THSD7A: variants seen among roughly 807,000 people sequenced by gnomAD.
THSD7A encodes the protein thrombospondin type 1 domain containing 7A.
A neutral mutation model predicts 231.3 loss-of-function variants in THSD7A; 96 were observed. The observed-to-expected ratio is 0.41, with a 90% confidence interval of 0.35 to 0.49. The LOEUF is 0.49. Ranked by LOEUF, THSD7A falls within the 20% of genes least tolerant of loss-of-function variation. The pLI is 0.05. For synonymous variants in THSD7A, 940 were observed against 743.3 expected, an observed-to-expected ratio of 1.26 and a Z score of -4.30; for missense variants, 2,290 against 2,070.2, an observed-to-expected ratio of 1.11 and a Z score of -2.06.
At chr7:11,468,092 C>A (rs1785780709) in intron 9 of THSD7A, among the ~76,000 whole-genome samples, 1 of 151,964 alleles carries the variant, frequency 6.6e-6, no homozygotes, top group Non-Finnish European at 1.5e-5. Context: ...CAAAGTCTTT[C>A]CACTTTCAAA....
chr7:11,612,082 G>C (rs970575906), intron 2 of THSD7A, among the ~76,000 whole-genome samples: 4 of 152,066 alleles, frequency 2.6e-5, no homozygotes, highest in African/African-American at 9.7e-5. Context: ...ATTACATAAG[G>C]AAAAGAGTCC....
chr7:11,622,569 G>A (rs1781348409), intron 2 of THSD7A, among the ~76,000 whole-genome samples: 1 of 152,066 alleles, frequency 6.6e-6, no homozygotes, highest in Non-Finnish European at 1.5e-5. Context: ...CATATCAGTT[G>A]TGTAAAACGA....
At chr7:11,533,565 A>C (rs1398323918) in intron 6 of THSD7A, among the ~76,000 whole-genome samples, 3 of 152,222 alleles carry the variant, frequency 2.0e-5, no homozygotes, top group African/African-American at 7.2e-5. Context: ...CAGCCATAAA[A>C]AGGAGTGAGA....
At chr7:11,578,352 T>C (rs1486604472) in intron 4 of THSD7A, among the ~76,000 whole-genome samples, 1 of 152,188 alleles carries the variant, frequency 6.6e-6, no homozygotes, top group Non-Finnish European at 1.5e-5. Flanking sequence ...AGATATAGAA[T>C]GAATTAGTGC....
chr7:11,776,896 G>T (rs992484865), intron 1 of THSD7A, among the ~76,000 whole-genome samples: 3 of 152,226 alleles, frequency 2.0e-5, no homozygotes, highest in South Asian at 4.1e-4. Flanking sequence ...AGGCATTTCA[G>T]CCATCAGTGG....
In THSD7A at chr7:11,832,193, C is replaced by T. The variant is rs567310561; in HGVS notation, c.-247G>A. 4.6e-4 allele frequency: 133 copies of T among 289,448 alleles called. No individual in the cohort carries two copies. The highest frequency in any genetic ancestry group is 2.6e-3 in the African/African-American group (117 of 45,284). 17.9% of individuals were successfully genotyped at this position (289,448 alleles called of 1,614,324 possible). ...ATGCTGCTGCCGCTGCCATTCCTCG[C>T]AGAATGGCAGGTCCCGGCGGCTCCG... On this transcript the variant is annotated 5_prime_UTR_variant, in exon 1 of 28. Coordinates refer to ENST00000423059, the MANE Select transcript of THSD7A (RefSeq NM_015204.3).
chr7:11,794,705 C>T lies in THSD7A; in HGVS notation c.190+37052G>A, dbSNP rs1583296719. ...TGAGGGGCTCATCTTCATAAAGTCA[C>T]TTGAAAAATAAGTCTTTTTGCCAGT... On this transcript the variant is annotated intron_variant, in intron 1 of 27. Transcript: ENST00000423059. 4.6e-5 allele frequency among the ~76,000 whole-genome samples: 7 copies of T among 152,086 alleles called. No homozygotes were observed. The South Asian group carries it at 1.5e-3, about 32-fold the overall frequency.
chr7:11,693,085 A>C (rs933217616), intron 1 of THSD7A, among the ~76,000 whole-genome samples: 7 of 151,620 alleles, frequency 4.6e-5, no homozygotes, highest in Non-Finnish European at 8.9e-5. Context: ...AAATGAATGA[A>C]ATGAATGAAC....
chr7:11,598,950 C>T (rs1408520383), intron 2 of THSD7A, among the ~76,000 whole-genome samples: 1 of 152,156 alleles, frequency 6.6e-6, no homozygotes, highest in East Asian at 1.9e-4. Flanking sequence ...TTTAACTCAA[C>T]AGGCTAAGAA....
chr7:11,522,469 T>C (rs1380931361), intron 6 of THSD7A, among the ~76,000 whole-genome samples: 1 of 152,244 alleles, frequency 6.6e-6, no homozygotes, highest in Non-Finnish European at 1.5e-5. Context: ...CATACTGTTT[T>C]TAAGTACTTT....
intron 1 of THSD7A, among the ~76,000 whole-genome samples, chr7:11,736,360 C>A (rs1384621663): frequency 6.6e-6 from 1 of 151,902 alleles, no homozygotes; most frequent in African/African-American, 2.4e-5. Flanking sequence ...ACTCAGGAGG[C>A]TGAGGCAGGT....
intron 13 of THSD7A, among the ~76,000 whole-genome samples, chr7:11,442,134 A>G (rs1784826304): frequency 6.6e-6 from 1 of 152,072 alleles, no homozygotes; most frequent in Non-Finnish European, 1.5e-5. Context: ...CAGTGACTAT[A>G]TTTAATACCA....
chr7:11,420,649 G>T (rs1784113202), intron 16 of THSD7A, among the ~76,000 whole-genome samples: 1 of 152,222 alleles, frequency 6.6e-6, no homozygotes, highest in Admixed American at 6.5e-5. Context: ...ACTGTCTAGT[G>T]GAGCTGTGGA....
chr7:11,489,283 C>G (rs1360946655), intron 6 of THSD7A, among the ~76,000 whole-genome samples: 1 of 152,112 alleles, frequency 6.6e-6, no homozygotes, highest in Non-Finnish European at 1.5e-5. Flanking sequence ...TGTTGGCTTA[C>G]TAGAACCTAA....
At chr7:11,726,825 A>T (rs1414163022) in intron 1 of THSD7A, among the ~76,000 whole-genome samples, 1 of 151,962 alleles carries the variant, frequency 6.6e-6, no homozygotes, top group Non-Finnish European at 1.5e-5. Flanking sequence ...GGGAATCATA[A>T]AACATAAATA....
rs1333423654 is a variant in THSD7A at position 11,370,747 on chromosome 7, C to T, written c.*5047G>A. ...CAGGTAGTTAAATTAACATAAAATA[C>T]ACATTTAGGGAATAATAATTTATAG... On this transcript the variant is annotated 3_prime_UTR_variant, in exon 28 of 28. Transcript: ENST00000423059. 2 of 151,980 alleles carry T rather than the reference C, an allele frequency of 1.3e-5. No individual in the cohort carries two copies. The highest frequency in any genetic ancestry group is 2.4e-5 in the African/African-American group (1 of 41,378). 9.4% of individuals were successfully genotyped at this position (151,980 alleles called of 1,614,324 possible).
At chr7:11,600,520 A>G (rs1167008897) in intron 2 of THSD7A, among the ~76,000 whole-genome samples, 1 of 152,178 alleles carries the variant, frequency 6.6e-6, no homozygotes, top group African/African-American at 2.4e-5. Context: ...GAAGATGAAG[A>G]TGATGGTATG....
intron 1 of THSD7A, among the ~76,000 whole-genome samples, chr7:11,651,132 A>G (rs975933592): frequency 2.6e-5 from 4 of 152,086 alleles, no homozygotes; most frequent in African/African-American, 9.7e-5. Context: ...CTCTGATGCT[A>G]CAACACGGAT....
intron 4 of THSD7A, among the ~76,000 whole-genome samples, chr7:11,567,224 T>G (rs1250864659): frequency 6.6e-6 from 1 of 151,962 alleles, no homozygotes; most frequent in Non-Finnish European, 1.5e-5. Context: ...CTCTGGAAAC[T>G]TAAAAATCAT....
Sources: gnomAD v4.1 joint callset for allele counts (sites outside exome capture counted in the v4.1 genomes callset) on GRCh38, gnomAD v4.1.1 for gene constraint, MANE v1.5 for transcripts, NCBI Gene and HGNC (gene_info 2026-07-23, HGNC 2026-07-21) for gene names.